The following DRD4 variants were observed in gnomAD, a reference collection of about 807,000 sequenced individuals.
DRD4 encodes dopamine receptor D4, also known as D(4) dopamine receptor.
DRD4 carries 26 observed loss-of-function variants against 22.1 expected under a neutral mutation model. That is an observed-to-expected ratio of 1.17 (90% confidence interval 0.86 to 1.63). DRD4 has a LOEUF of 1.63. Among genes scored for constraint, DRD4 ranks in the 40% most tolerant of loss-of-function variants. DRD4 has a pLI of 0.00. For synonymous variants in DRD4, 455 were observed against 306.7 expected (o/e 1.48, Z -5.05); for missense variants, 913 against 632.4 (o/e 1.44, Z -4.76).
At chr11:638,750 T>G (rs1858126486) in intron 1 of DRD4, among the ~76,000 whole-genome samples, 1 of 152,016 alleles carries the variant, frequency 6.6e-6, no homozygotes, top group Non-Finnish European at 1.5e-5. Flanking sequence ...AGCCCGATGA[T>G]ATCAGGCCCG....
At chr11:638,989 G>C (rs887503300) in intron 1 of DRD4, 1 of 172,316 alleles carries the variant, frequency 5.8e-6, no homozygotes, top group Non-Finnish European at 1.3e-5. Flanking sequence ...GAGCTGAGGC[G>C]GCAGAATCGC....
At chr11:640,353 C>T (rs780770081) in intron 3 of DRD4, 47 bp downstream of exon 3, 5 of 1,564,036 alleles carry the variant, frequency 3.2e-6, no homozygotes, top group Middle Eastern at 2.2e-4. Flanking sequence ...GGGGGGGGTA[C>T]GAGGCCGGCT....
chr11:638,193 T>TC (rs1227354786), intron 1 of DRD4, among the ~76,000 whole-genome samples: 15 of 152,106 alleles, frequency 9.9e-5, no homozygotes, highest in Admixed American at 2.0e-4. Flanking sequence ...GAGCCCACAC[T>TC]CCACACCAGG....
chr11:638,908 T>C (rs755277846), intron 1 of DRD4: 32 of 160,916 alleles, frequency 2.0e-4, no homozygotes, highest in Non-Finnish European at 3.0e-4. Flanking sequence ...ATACCAGGCC[T>C]GGTCTCTACA....
intron 1 of DRD4, among the ~76,000 whole-genome samples, chr11:638,648 C>G (rs1299141304): frequency 1.3e-5 from 2 of 152,186 alleles, no homozygotes; most frequent in East Asian, 3.8e-4. Flanking sequence ...GCCCGAGTCT[C>G]CCACAGAGAA....
At position 640,063 on chromosome 11, in the gene DRD4, G is replaced by A; in HGVS notation, c.814G>A (p.Gly272Ser). The A allele has an allele frequency of 8.9e-7, 1 of 1,120,318 alleles. No homozygotes were observed. The highest frequency in any genetic ancestry group is 1.1e-6 in the Non-Finnish European group (1 of 889,438). The allele number at this position is 1,120,318 out of a possible 1,614,324, so 69.4% of individuals were successfully genotyped here. ...CAPPAPGLPR[G>S]PCGPDCAPAA... is the part of the protein sequence containing the mutation. The stretch of plus-strand genomic sequence containing the variant: ...GCCCCCCGCGCCCGGCCTTCCCCGG[G>A]GTCCCTGCGGCCCCGACTGTGCGCC... Residue 272 changes from glycine to serine, a missense_variant, in exon 3 of 4, where the codon GGT becomes AGT. Gly to Ser is a moderately conservative substitution (Grantham distance 56, BLOSUM62 0). Transcript: ENST00000176183.
At position 640,621 on chromosome 11, in the gene DRD4, G is replaced by A. The variant is rs1303078983; in HGVS notation, c.*18G>A. The A allele has an allele frequency of 1.3e-6, 2 of 1,598,664 alleles. No individual in the cohort carries two copies. Among genetic ancestry groups the A allele is most frequent in the African/African-American group, 1.3e-5 (1 of 74,932 alleles). ...GCTGCTGAGCCGGGCACCCCCGGAC[G>A]CCCCCCGGCCTGATGGCCAGGCCTC... is the stretch of plus-strand genomic sequence containing the variant. On this transcript the variant is annotated 3_prime_UTR_variant, in exon 4 of 4. Coordinates refer to ENST00000176183, the MANE Select transcript of DRD4 (RefSeq NM_000797.4).
rs1309455046 is a variant in DRD4 at position 639,512 on chromosome 11, C to T, written c.365C>T (p.Ser122Phe). Residue 122 changes from serine to phenylalanine, a missense_variant, in exon 2 of 4, where the codon TCC becomes TTC. By Grantham distance (155) the Ser-to-Phe change is radical. Coordinates refer to ENST00000176183, the MANE Select transcript of DRD4 (RefSeq NM_000797.4). ...MAMDVMLCTASIFNLCAISVD... is the reference protein window; with the variant it reads ...MAMDVMLCTAFIFNLCAISVD... Reference sequence around the variant, plus strand: ...ATGGACGTCATGCTGTGCACCGCCTCCATCTTCAACCTGTGCGCCATCAGC... The same window carrying T: ...ATGGACGTCATGCTGTGCACCGCCTTCATCTTCAACCTGTGCGCCATCAGC... The T allele has an allele frequency of 8.1e-6, 13 of 1,602,104 alleles. No individual in the cohort carries two copies. The African/African-American group carries it at 1.2e-4, about 15-fold the overall frequency.
Position 639,600 on chromosome 11 carries a change from TCACCGCGGCCTGTGCGCTGTCCG to T in DRD4, c.399-47_399-25del, listed in dbSNP as rs758144216. On this transcript the variant is annotated intron_variant, in intron 2 of 3. Transcript: ENST00000176183. ...CGCCCCCGCGCCCCGCCCGCCGCCCTCACCGCGGCCTGTGCGCTGTCCGGCGCCCCCTCGGCGCTCCCCGCAGG... is the reference window on the plus strand; with the variant it reads ...CGCCCCCGCGCCCCGCCCGCCGCCCTGCGCCCCCTCGGCGCTCCCCGCAGG... 29 of 1,298,172 alleles carry T rather than the reference TCACCGCGGCCTGTGCGCTGTCCG, an allele frequency of 2.2e-5. No individual in the cohort carries two copies. The Admixed American group carries it at 5.4e-4, about 24-fold the overall frequency. 80.4% of individuals were successfully genotyped at this position (1,298,172 alleles called of 1,614,324 possible).
rs1421730491 is a variant in DRD4, at chr11:637,739, G to A, written c.285+150G>A. The A allele has an allele frequency of 4.3e-6, 6 of 1,403,038 alleles. No homozygotes were observed. The African/African-American group carries it at 5.7e-5, about 13-fold the overall frequency. 86.9% of individuals were successfully genotyped at this position (1,403,038 alleles called of 1,614,324 possible). A position where few individuals can be genotyped will look rare whatever the true frequency, so the allele number is the denominator to read the frequency against. On this transcript the variant is annotated intron_variant, in intron 1 of 3. Transcript: ENST00000176183. ...GGGGCGCTGCGCCTTGTCCCTCGGC[G>A]ATACACCCACCGCCGCCACCTCGCG...
chr11:640,233 G>T lies in DRD4; in HGVS notation c.984G>T (p.Gln328His). Residue 328 changes from glutamine to histidine, a missense_variant, in exon 3 of 4, where the codon CAG becomes CAT. By Grantham distance (24) the Gln-to-His change is conservative (BLOSUM62 0). Coordinates refer to ENST00000176183, the MANE Select transcript of DRD4 (RefSeq NM_000797.4). ...CGCTCCCACCCCAGACTCCACCGCAGACCCGCAGGAGGCGGCGTGCCAAGA... is the reference window on the plus strand; with the variant it reads ...CGCTCCCACCCCAGACTCCACCGCATACCCGCAGGAGGCGGCGTGCCAAGA... Reference protein sequence around the residue: ...AAALPPQTPPQTRRRRRAKIT... With the variant: ...AAALPPQTPPHTRRRRRAKIT... The T allele has an allele frequency of 6.5e-7, 1 of 1,532,760 alleles. No homozygotes were observed. The allele number at this position is 1,532,760 out of a possible 1,614,324, so 94.9% of individuals were successfully genotyped here.
rs1282290483 is a variant in DRD4 at position 640,479 on chromosome 11, C to A, written c.1136C>A (p.Pro379Gln). ...QALCPACSVP[P>Q]RLVSAVTWLG... ...CTGTGTCCTGCCTGCTCCGTGCCCC[C>A]GCGGCTGGTCAGCGCCGTCACCTGG... is the stretch of plus-strand genomic sequence containing the variant. The change falls in exon 4 of 4, where the codon CCG becomes CAG. Residue 379 changes from proline (P) to glutamine (Q), a missense_variant. Physicochemically the swap from Pro to Gln is moderately conservative, Grantham distance 76. Coordinates refer to ENST00000176183, the MANE Select transcript of DRD4 (RefSeq NM_000797.4). The A allele has an allele frequency of 1.9e-6, 3 of 1,602,212 alleles. No individual in the cohort carries two copies. Among genetic ancestry groups the A allele is most frequent in the South Asian group, 2.2e-5 (2 of 91,084 alleles).
chr11:639,999 G>A lies in DRD4; in HGVS notation c.750G>A (p.Ala250=). 3.9e-6 allele frequency: 5 copies of A among 1,289,894 alleles called. No individual in the cohort carries two copies. Among genetic ancestry groups the A allele is most frequent in the South Asian group, 4.6e-5 (2 of 43,848 alleles). 79.9% of individuals were successfully genotyped at this position (1,289,894 alleles called of 1,614,324 possible). ...GPGPPSPTPP[A]PRLPQDPCGP... is the part of the protein sequence containing the mutation. Reference sequence around the variant, plus strand: ...GCCCGCCTTCCCCCACGCCACCCGCGCCCCGCCTCCCCCAGGACCCCTGCG... The same window carrying A: ...GCCCGCCTTCCCCCACGCCACCCGCACCCCGCCTCCCCCAGGACCCCTGCG... The change falls in exon 3 of 4, where the codon GCG becomes GCA. Residue 250 remains alanine, a synonymous_variant. Transcript: ENST00000176183.
chr11:640,044 C>A lies in DRD4; in HGVS notation c.795C>A (p.Pro265=), dbSNP rs1301879452. The A allele has an allele frequency of 1.3e-5, 16 of 1,189,308 alleles. No homozygotes were observed. In the Admixed American group the frequency reaches 1.8e-4, roughly 14 times the overall value. 73.7% of individuals were successfully genotyped at this position (1,189,308 alleles called of 1,614,324 possible). A position where few individuals can be genotyped will look rare whatever the true frequency, so the allele number is the denominator to read the frequency against. The change falls in exon 3 of 4, where the codon CCC becomes CCA. Residue 265 remains proline (P), a synonymous_variant. Coordinates refer to ENST00000176183, the MANE Select transcript of DRD4 (RefSeq NM_000797.4). The part of the protein sequence containing the change: ...QDPCGPDCAP[P]APGLPRGPCG... ...CCTGCGGCCCCGACTGTGCGCCCCC[C>A]GCGCCCGGCCTTCCCCGGGGTCCCT...
rs770929160 is a variant in DRD4, at chr11:640,526, C to T, written c.1183C>T (p.Leu395Phe). ...CTGGCTGGGCTACGTCAACAGCGCC[C>T]TCAACCCCGTCATCTACACTGTCTT... ...VTWLGYVNSA[L>F]NPVIYTVFNA... Residue 395 changes from leucine (L) to phenylalanine (F), a missense_variant, in exon 4 of 4, where the codon CTC becomes TTC. Leu to Phe is a conservative substitution (Grantham distance 22, BLOSUM62 0). Transcript: ENST00000176183. 3 of 1,599,078 alleles carry T rather than the reference C, an allele frequency of 1.9e-6. No individual in the cohort carries two copies. The highest frequency in any genetic ancestry group is 4.5e-5 in the East Asian group (2 of 44,738).
Sources: gnomAD v4.1 joint callset for allele counts (sites outside exome capture counted in the v4.1 genomes callset) on GRCh38, gnomAD v4.1.1 for gene constraint, MANE v1.5 for transcripts, NCBI Gene and HGNC (gene_info 2026-07-23, HGNC 2026-07-21) for gene names.